ALCAM: variants seen among roughly 807,000 people sequenced by gnomAD.
ALCAM encodes CD166 antigen.
ALCAM carries 30 observed loss-of-function variants against 70.9 expected under a neutral mutation model. That is an observed-to-expected ratio of 0.42 (90% CI 0.32 to 0.57). The LOEUF is 0.57. Ranked by LOEUF, ALCAM falls within the 20% of genes least tolerant of loss-of-function variation. The pLI is 0.11. For missense variants in ALCAM, 591 were observed against 695.1 expected (o/e 0.85, Z 1.68); for synonymous variants, 249 against 242.5 (o/e 1.03, Z -0.25).
intron 1 of ALCAM, among the ~76,000 whole-genome samples, chr3:105,403,323 A>G (rs1936137923): frequency 6.6e-6 from 1 of 152,026 alleles, no homozygotes; most frequent in Non-Finnish European, 1.5e-5. Context: ...TAAAAACACA[A>G]CCAGGGACCC....
intron 1 of ALCAM, among the ~76,000 whole-genome samples, chr3:105,384,610 T>C (rs1386244215): frequency 6.6e-6 from 1 of 151,538 alleles, no homozygotes; most frequent in Non-Finnish European, 1.5e-5. Context: ...TCTAAGACTT[T>C]TCTAATATAT....
At chr3:105,381,317 G>C (rs1559771309) in intron 1 of ALCAM, among the ~76,000 whole-genome samples, 1 of 151,950 alleles carries the variant, frequency 6.6e-6, no homozygotes, top group Admixed American at 6.6e-5. Flanking sequence ...GAGGCCACAG[G>C]TTCAGAATTA....
chr3:105,553,720 C>T (rs1319989923), intron 14 of ALCAM, among the ~76,000 whole-genome samples: 1 of 151,850 alleles, frequency 6.6e-6, no homozygotes, highest in Non-Finnish European at 1.5e-5. Flanking sequence ...GTTCTCACAA[C>T]ACATCTATAA....
chr3:105,392,254 C>G (rs1396706859), intron 1 of ALCAM, among the ~76,000 whole-genome samples: 1 of 151,618 alleles, frequency 6.6e-6, no homozygotes. Context: ...TCAGAACTTA[C>G]TATTGGTCTA....
chr3:105,442,878 ATGG>A (rs1937206815), intron 1 of ALCAM, among the ~76,000 whole-genome samples: 1 of 152,192 alleles, frequency 6.6e-6, no homozygotes, highest in South Asian at 2.1e-4. Flanking sequence ...TCTGTTGCGC[ATGG>A]TGAAGTATAG....
chr3:105,379,863 C>T (rs1935472318), intron 1 of ALCAM, among the ~76,000 whole-genome samples: 1 of 151,730 alleles, frequency 6.6e-6, no homozygotes, highest in African/African-American at 2.4e-5. Context: ...AATGCTTCCA[C>T]AAATAATATG....
intron 1 of ALCAM, among the ~76,000 whole-genome samples, chr3:105,435,470 T>A (rs1368258232): frequency 1.3e-5 from 2 of 152,240 alleles, no homozygotes; most frequent in African/African-American, 2.4e-5. Context: ...TGACTCAATG[T>A]CAGCACAGTG....
rs1205277002 is a variant in ALCAM, at chr3:105,524,345, T to C, written c.231T>C (p.Ser77=). Reference sequence around the variant, plus strand: ...CCTTCAGATCCTCTACAAAGAAAAGTGTGCAGTACGACGATGTACCAGAAT... The same window carrying C: ...CCTTCAGATCCTCTACAAAGAAAAGCGTGCAGTACGACGATGTACCAGAAT... ...FIAFRSSTKK[S]VQYDDVPEYK... The change falls in exon 3 of 16, where the codon AGT becomes AGC. Residue 77 remains serine (S), a synonymous_variant. Transcript: ENST00000306107. 9 of 1,614,150 alleles carry C rather than the reference T, an allele frequency of 5.6e-6. No homozygotes were observed. Among genetic ancestry groups the C allele is most frequent in the African/African-American group, 1.3e-5 (1 of 75,050 alleles).
At chr3:105,419,812 T>C (rs1432776593) in intron 1 of ALCAM, among the ~76,000 whole-genome samples, 1 of 151,834 alleles carries the variant, frequency 6.6e-6, no homozygotes, top group Non-Finnish European at 1.5e-5. Flanking sequence ...CCCTGGAGAA[T>C]GAATAATAGT....
At chr3:105,400,837 G>A (rs531511562) in intron 1 of ALCAM, among the ~76,000 whole-genome samples, 13 of 152,156 alleles carry the variant, frequency 8.5e-5, no homozygotes, top group Admixed American at 2.0e-4. Context: ...GTCATTTGCC[G>A]TTGAGAAAGT....
intron 1 of ALCAM, among the ~76,000 whole-genome samples, chr3:105,507,188 C>T (rs1043787629): frequency 1.3e-5 from 2 of 152,072 alleles, no homozygotes; most frequent in Non-Finnish European, 2.9e-5. Context: ...GCCTCCCCAC[C>T]CCCTTGCCCC....
Position 105,520,070 on chromosome 3 carries a change from T to G in ALCAM, c.77T>G (p.Leu26Arg). Reference sequence around the variant, plus strand: ...CCTTTTTTTTTTTCCCCCAAAGGCCTTGGATGGTATACTGTAAATTCAGCA... The same window carrying G: ...CCTTTTTTTTTTTCCCCCAAAGGCCGTGGATGGTATACTGTAAATTCAGCA... ...LISATVFRPG[L>R]GWYTVNSAYG... The change falls in exon 2 of 16, where the codon CTT becomes CGT. Residue 26 changes from leucine (L) to arginine (R), a missense_variant. Transcript: ENST00000306107. 1 of 1,601,196 alleles carries G rather than the reference T, an allele frequency of 6.2e-7. No homozygotes were observed. The highest frequency in any genetic ancestry group is 8.5e-7 in the Non-Finnish European group (1 of 1,171,844).
At chr3:105,367,512 A>G in intron 1 of ALCAM, 31 bp downstream of exon 1, 6 of 1,612,604 alleles carry the variant, frequency 3.7e-6, no homozygotes, top group Non-Finnish European at 4.2e-6. Flanking sequence ...AGCCCCAGAC[A>G]GACGTGGGCC....
rs564912700 is a variant in ALCAM, at chr3:105,384,733, A to C, written c.73+17252A>C. Among the ~76,000 whole-genome samples, 14 of 151,696 alleles carry C rather than the reference A, an allele frequency of 9.2e-5. No individual in the cohort carries two copies. The East Asian group carries it at 2.7e-3, about 29-fold the overall frequency. On this transcript the variant is annotated intron_variant, in intron 1 of 15. Coordinates refer to ENST00000306107, the MANE Select transcript of ALCAM (RefSeq NM_001627.4). ...ATGTAAAATAGTACTTTACGAAAGA[A>C]TGGCTAATATATTTGTATAACCAAT...
chr3:105,563,939 G>A (rs1940688216), intron 14 of ALCAM, among the ~76,000 whole-genome samples: 2 of 148,964 alleles, frequency 1.3e-5, no homozygotes, highest in Non-Finnish European at 1.5e-5. Context: ...CACCCGCCTC[G>A]GCCTCCCAAA....
chr3:105,435,159 AT>A (rs1937022325), intron 1 of ALCAM, among the ~76,000 whole-genome samples: 1 of 152,206 alleles, frequency 6.6e-6, no homozygotes, highest in Non-Finnish European at 1.5e-5. Context: ...ACTTTCTAAA[AT>A]ATGTATTTTT....
At chr3:105,506,213 G>A (rs1409411833) in intron 1 of ALCAM, among the ~76,000 whole-genome samples, 1 of 152,160 alleles carries the variant, frequency 6.6e-6, no homozygotes, top group Non-Finnish European at 1.5e-5. Context: ...GAGGCTTCCT[G>A]CAATTCACAA....
At chr3:105,574,438 C>T (rs1176680763) in intron 15 of ALCAM, 39 bp from the exon 16 acceptor site, 3 of 150,688 alleles carry the variant, frequency 2.0e-5, no homozygotes, top group Admixed American at 6.8e-5. Flanking sequence ...AAAATTATTG[C>T]TTTGGAAGCT....
At position 105,550,165 on chromosome 3, in the gene ALCAM, T is replaced by C; in HGVS notation, c.1413T>C (p.Ser471=). The C allele has an allele frequency of 6.2e-7, 1 of 1,601,404 alleles. No individual in the cohort carries two copies. The highest frequency in any genetic ancestry group is 2.2e-5 in the East Asian group (1 of 44,626). Residue 471 remains serine, a synonymous_variant, in exon 12 of 16, where the codon AGT becomes AGC. Transcript: ENST00000306107. The stretch of plus-strand genomic sequence containing the variant: ...CTTATATTAATGGCAGGTATTATAG[T>C]AAAATTATCATTTCCCCTGAAGAGA... ...ESPYINGRYY[S]KIIISPEENV... is the part of the protein sequence containing the mutation.
Sources: allele counts gnomAD v4.1 joint callset (sites outside exome capture counted in the v4.1 genomes callset), GRCh38; gene constraint gnomAD v4.1.1; transcripts MANE v1.5; gene names NCBI Gene and HGNC (gene_info 2026-07-23, HGNC 2026-07-21).